Variants in WWOX observed in about 807,000 individuals in gnomAD.
The protein encoded by WWOX is WW domain containing oxidoreductase, also known as WW domain-containing oxidoreductase.
Under a neutral mutation model 46.2 loss-of-function variants are expected in WWOX, and 69 were observed. The ratio of observed to expected loss-of-function variants is 1.49; its 90% CI spans 1.23 to 1.82. The LOEUF (loss-of-function observed/expected upper bound fraction) is 1.82, where lower values mean the gene tolerates loss of function less well. Ranked by LOEUF, WWOX falls within the 40% of genes most tolerant of loss-of-function variation. The pLI, the probability that WWOX is intolerant of heterozygous loss-of-function variation, is 0.00. For missense variants in WWOX, 919 were observed against 542.6 expected (o/e 1.69, Z -6.89); for synonymous variants, 359 against 202.6 (o/e 1.77, Z -6.56).
At chr16:78,548,832 C>T (rs911428544) in intron 8 of WWOX, among the ~76,000 whole-genome samples, 4 of 152,202 alleles carry the variant, frequency 2.6e-5, no homozygotes, top group South Asian at 2.1e-4. Flanking sequence ...GGCTGCAGCC[C>T]GTTAACTGGT....
chr16:78,565,295 G>A (rs1406544115), intron 8 of WWOX, among the ~76,000 whole-genome samples: 1 of 152,222 alleles, frequency 6.6e-6, no homozygotes, highest in Non-Finnish European at 1.5e-5. Context: ...GGAGTCACAA[G>A]TTCAAAATCA....
chr16:78,369,064 T>C (rs889403892), intron 5 of WWOX, among the ~76,000 whole-genome samples: 2 of 152,128 alleles, frequency 1.3e-5, no homozygotes, highest in Non-Finnish European at 2.9e-5. Flanking sequence ...TCTTTCCCTT[T>C]TTTTTTTAAC....
At chr16:78,519,391 C>G (rs925963390) in intron 8 of WWOX, among the ~76,000 whole-genome samples, 28 of 152,152 alleles carry the variant, frequency 1.8e-4, no homozygotes, top group Admixed American at 9.2e-4. Flanking sequence ...TTCCTCTACC[C>G]TCTTCCCACG....
intron 8 of WWOX, among the ~76,000 whole-genome samples, chr16:78,806,758 A>G (rs1277171650): frequency 6.6e-6 from 1 of 152,112 alleles, no homozygotes; most frequent in East Asian, 1.9e-4. Flanking sequence ...GACCCACCCC[A>G]ACCAGGTTTG....
chr16:79,081,401 T>A (rs1455703865), intron 8 of WWOX, among the ~76,000 whole-genome samples: 1 of 152,178 alleles, frequency 6.6e-6, no homozygotes, highest in Non-Finnish European at 1.5e-5. Context: ...TGACCTCAGG[T>A]GATCCATCCA....
chr16:78,775,322 T>A (rs2050162402), intron 8 of WWOX, among the ~76,000 whole-genome samples: 1 of 152,188 alleles, frequency 6.6e-6, no homozygotes, highest in African/African-American at 2.4e-5. Flanking sequence ...CCTTTGAGAA[T>A]CACAGTGTGT....
chr16:78,689,406 G>T (rs1040466970), intron 8 of WWOX, among the ~76,000 whole-genome samples: 2 of 152,292 alleles, frequency 1.3e-5, no homozygotes, highest in Admixed American at 1.3e-4. Flanking sequence ...GGCAACTTCT[G>T]TCTTCCCTTT....
At chr16:78,696,505 G>C (rs1303398073) in intron 8 of WWOX, among the ~76,000 whole-genome samples, 1 of 151,904 alleles carries the variant, frequency 6.6e-6, no homozygotes, top group African/African-American at 2.4e-5. Flanking sequence ...AGTAATACGT[G>C]GTAGGATACT....
chr16:78,847,530 T>G (rs56128142), intron 8 of WWOX, among the ~76,000 whole-genome samples: 44,152 of 151,772 alleles, frequency 0.29, 6,482 homozygotes, highest in Middle Eastern at 0.39. Context: ...AGCAGGGTCT[T>G]GCTATGTTGC....
chr16:79,210,099 A>G (rs1326332158), intron 8 of WWOX, among the ~76,000 whole-genome samples: 2 of 152,160 alleles, frequency 1.3e-5, no homozygotes, highest in African/African-American at 2.4e-5. Context: ...GCAGCCAGTT[A>G]TTATCAAAAC....
chr16:78,974,568 A>G (rs1258494985), intron 8 of WWOX, among the ~76,000 whole-genome samples: 1 of 152,228 alleles, frequency 6.6e-6, no homozygotes, highest in Non-Finnish European at 1.5e-5. Flanking sequence ...ATATTGTGCA[A>G]TGTGCAGGGA....
intron 5 of WWOX, among the ~76,000 whole-genome samples, chr16:78,363,157 T>C (rs2081449485): frequency 6.6e-6 from 1 of 152,132 alleles, no homozygotes; most frequent in African/African-American, 2.4e-5. Context: ...TGTGTGTGTG[T>C]GTGTGTATGT....
At chr16:78,387,017 C>A in intron 6 of WWOX, 69 bp downstream of exon 6, 1 of 1,470,392 alleles carries the variant, frequency 6.8e-7, no homozygotes, top group Non-Finnish European at 9.5e-7. Flanking sequence ...CAGATGAACA[C>A]AATTGGGAGA....
At chr16:78,314,669 C>G (rs1358119539) in intron 5 of WWOX, among the ~76,000 whole-genome samples, 3 of 146,974 alleles carry the variant, frequency 2.0e-5, no homozygotes, top group Non-Finnish European at 4.5e-5. Context: ...GGACTACAGG[C>G]ACACCCCACC....
chr16:78,199,717 C>T (rs751441887), intron 5 of WWOX, among the ~76,000 whole-genome samples: 30 of 152,180 alleles, frequency 2.0e-4, no homozygotes, highest in Admixed American at 5.2e-4. Flanking sequence ...ATATACATGA[C>T]ATCCTACCCC....
rs994619681 is a variant in WWOX, at chr16:78,343,903, C to G, written c.517-42957C>G. 2.5e-5 allele frequency among the ~76,000 whole-genome samples: 3 copies of G among 120,226 alleles called. 1 individual carries two copies. Among genetic ancestry groups the G allele is most frequent in the African/African-American group, 8.5e-5 (3 of 35,394 alleles). 78.9% of individuals were successfully genotyped at this position (120,226 alleles called of 152,430 possible). On this transcript the variant is annotated intron_variant, in intron 5 of 8. Transcript: ENST00000566780. Reference sequence around the variant, plus strand: ...ATGATGGTGACAATGATGACAATGACGATGACCCTTGGTTGGAGCAATGTA... The same window carrying G: ...ATGATGGTGACAATGATGACAATGAGGATGACCCTTGGTTGGAGCAATGTA...
chr16:78,884,954 T>A (rs571544003), intron 8 of WWOX, among the ~76,000 whole-genome samples: 1 of 152,340 alleles, frequency 6.6e-6, no homozygotes, highest in Admixed American at 6.5e-5. Context: ...TACCCAGTCA[T>A]TAATGCATAC....
chr16:79,145,544 A>G (rs935719769), intron 8 of WWOX, among the ~76,000 whole-genome samples: 3 of 152,202 alleles, frequency 2.0e-5, no homozygotes, highest in African/African-American at 7.2e-5. Context: ...AATGTTTTCC[A>G]TTAGAATCAG....
At chr16:78,159,146 T>G (rs1189186388) in intron 4 of WWOX, among the ~76,000 whole-genome samples, 2 of 151,264 alleles carry the variant, frequency 1.3e-5, no homozygotes, top group South Asian at 2.1e-4. Flanking sequence ...CCATTGTGTG[T>G]GTTTGTGTGT....
Sources: allele counts gnomAD v4.1 joint callset (sites outside exome capture counted in the v4.1 genomes callset), GRCh38; gene constraint gnomAD v4.1.1; transcripts MANE v1.5; gene names NCBI Gene and HGNC (gene_info 2026-07-23, HGNC 2026-07-21).